CAMKMT: variants seen among roughly 807,000 people sequenced by gnomAD.
The protein encoded by CAMKMT is calmodulin-lysine N-methyltransferase, also known as CaM KMT.
CAMKMT carries 53 observed loss-of-function variants against 48.0 expected under a neutral mutation model. That is an observed-to-expected ratio of 1.10 (90% CI 0.89 to 1.39). CAMKMT has a LOEUF of 1.39. CAMKMT is among the 40% of genes most tolerant of loss of function. CAMKMT has a pLI of 0.00. For missense variants in CAMKMT, 428 were observed against 402.7 expected (o/e 1.06, Z -0.54); for synonymous variants, 165 against 152.3 (o/e 1.08, Z -0.61).
intron 3 of CAMKMT, chr2:44,549,532 A>C: frequency 2.9e-6 from 2 of 693,838 alleles, no homozygotes; most frequent in South Asian, 3.1e-5. Context: ...ATGTATATAT[A>C]ATTTTTTTTC....
chr2:44,710,100 CT>C lies in CAMKMT; in HGVS notation c.556+2645del, dbSNP rs150312604. Among the ~76,000 whole-genome samples the C allele has an allele frequency of 1.0e-4, 15 of 149,734 alleles. 1 individual carries two copies. Among genetic ancestry groups the C allele is most frequent in the African/African-American group, 2.4e-4 (10 of 40,892 alleles). On this transcript the variant is annotated intron_variant, in intron 6 of 10. Coordinates refer to ENST00000378494, the MANE Select transcript of CAMKMT (RefSeq NM_024766.5). ...AAGCTTCTAAGATTCTGATTTTTAC[CT>C]TTTTTTAAAAAAAAAAACAGCATTT...
chr2:44,551,632 C>G (rs1258359597), intron 3 of CAMKMT, among the ~76,000 whole-genome samples: 1 of 152,134 alleles, frequency 6.6e-6, no homozygotes, highest in Non-Finnish European at 1.5e-5. Flanking sequence ...GGGCTCTATA[C>G]CAAAGTATGC....
intron 2 of CAMKMT, among the ~76,000 whole-genome samples, chr2:44,383,423 A>T (rs1378344645): frequency 6.6e-6 from 1 of 152,136 alleles, no homozygotes. Flanking sequence ...TCGGCCTCCC[A>T]AAGTGCTGGG....
At chr2:44,521,525 C>T (rs868221586) in intron 3 of CAMKMT, among the ~76,000 whole-genome samples, 19 of 152,316 alleles carry the variant, frequency 1.2e-4, no homozygotes, top group East Asian at 3.9e-4. Flanking sequence ...GTGATTCACC[C>T]GCCTTGGCCT....
At chr2:44,511,758 C>T (rs962622809) in intron 3 of CAMKMT, among the ~76,000 whole-genome samples, 5 of 152,224 alleles carry the variant, frequency 3.3e-5, no homozygotes, top group Non-Finnish European at 5.9e-5. Flanking sequence ...TTCCCTCCTC[C>T]TGGACTGTTC....
At chr2:44,675,795 G>A (rs1675653677) in intron 3 of CAMKMT, among the ~76,000 whole-genome samples, 1 of 152,006 alleles carries the variant, frequency 6.6e-6, no homozygotes, top group Admixed American at 6.5e-5. Flanking sequence ...TTCCCAAACT[G>A]AAACTCTGTC....
At chr2:44,447,296 C>T (rs1667053999) in intron 3 of CAMKMT, among the ~76,000 whole-genome samples, 2 of 152,132 alleles carry the variant, frequency 1.3e-5, no homozygotes, top group Admixed American at 1.3e-4. Flanking sequence ...TAGTTGATTT[C>T]CTTTTATTCT....
intron 1 of CAMKMT, among the ~76,000 whole-genome samples, chr2:44,362,624 G>T (rs1037176599): frequency 6.6e-6 from 1 of 152,174 alleles, no homozygotes; most frequent in Non-Finnish European, 1.5e-5. Flanking sequence ...CACGGCATGC[G>T]TTCCCTCGGC....
intron 3 of CAMKMT, among the ~76,000 whole-genome samples, chr2:44,468,630 A>C (rs1247385326): frequency 6.6e-6 from 1 of 152,190 alleles, no homozygotes; most frequent in African/African-American, 2.4e-5. Flanking sequence ...AGATAAAGAA[A>C]ATATAAGGCC....
At chr2:44,755,058 TTCTTTTATA>T (rs1335566383) in intron 9 of CAMKMT, among the ~76,000 whole-genome samples, 1 of 152,150 alleles carries the variant, frequency 6.6e-6, no homozygotes, top group Non-Finnish European at 1.5e-5. Context: ...CTTTCAACCT[TTCTTTTATA>T]TCTTTTTTAT....
intron 3 of CAMKMT, among the ~76,000 whole-genome samples, chr2:44,601,760 T>G (rs1671006698): frequency 6.6e-6 from 1 of 152,000 alleles, no homozygotes; most frequent in African/African-American, 2.4e-5. Flanking sequence ...CCAGAAGATT[T>G]AAACTTAATA....
rs533647438 is a variant in CAMKMT, at chr2:44,610,141, C to T, written c.377-94142C>T. On this transcript the variant is annotated intron_variant, in intron 3 of 10. Coordinates refer to ENST00000378494, the MANE Select transcript of CAMKMT (RefSeq NM_024766.5). ...ACATTTCTGAATATAGAAATGTGTT[C>T]ATTGAGAAGAGATTTATTGAGCATC... Among the ~76,000 whole-genome samples, 8 of 152,076 alleles carry T rather than the reference C, an allele frequency of 5.3e-5. No homozygotes were observed. In the South Asian group the frequency reaches 1.7e-3, roughly 32 times the overall value.
chr2:44,733,692 T>C (rs1044032679), intron 7 of CAMKMT, among the ~76,000 whole-genome samples: 1 of 152,128 alleles, frequency 6.6e-6, no homozygotes, highest in Non-Finnish European at 1.5e-5. Flanking sequence ...TTTATTGAGA[T>C]GATCATATGT....
chr2:44,492,492 A>G (rs1669556780), intron 3 of CAMKMT, among the ~76,000 whole-genome samples: 1 of 152,218 alleles, frequency 6.6e-6, no homozygotes, highest in African/African-American at 2.4e-5. Flanking sequence ...TTAAAAGTTA[A>G]AAAAATAATA....
chr2:44,595,118 G>T (rs1167953768), intron 3 of CAMKMT, among the ~76,000 whole-genome samples: 1 of 152,174 alleles, frequency 6.6e-6, no homozygotes, highest in Non-Finnish European at 1.5e-5. Context: ...TCTCATGCCA[G>T]TTAGAATGGT....
chr2:44,460,305 T>C (rs1218272381), intron 3 of CAMKMT, among the ~76,000 whole-genome samples: 1 of 152,188 alleles, frequency 6.6e-6, no homozygotes, highest in East Asian at 1.9e-4. Flanking sequence ...TAAAAGAGTA[T>C]ATTTGAAAGA....
intron 3 of CAMKMT, among the ~76,000 whole-genome samples, chr2:44,670,287 AAC>A (rs1675251457): frequency 2.0e-5 from 3 of 152,148 alleles, no homozygotes; most frequent in Non-Finnish European, 4.4e-5. Flanking sequence ...AGCTCATTAA[AAC>A]ACAGACTGGG....
At chr2:44,690,802 C>G (rs1167496955) in intron 3 of CAMKMT, among the ~76,000 whole-genome samples, 1 of 151,690 alleles carries the variant, frequency 6.6e-6, no homozygotes, top group African/African-American at 2.4e-5. Context: ...ATGGCGAAAC[C>G]CCGTCTCTAC....
At chr2:44,385,305 A>T (rs1680679647) in intron 2 of CAMKMT, among the ~76,000 whole-genome samples, 1 of 152,026 alleles carries the variant, frequency 6.6e-6, no homozygotes, top group African/African-American at 2.4e-5. Context: ...TGTATAGAAA[A>T]ACTATTGATT....
Sources: allele counts gnomAD v4.1 joint callset (sites outside exome capture counted in the v4.1 genomes callset), GRCh38; gene constraint gnomAD v4.1.1; transcripts MANE v1.5; gene names NCBI Gene and HGNC (gene_info 2026-07-23, HGNC 2026-07-21).